Variants in PPM1H observed in about 807,000 individuals in gnomAD.
The protein encoded by PPM1H is protein phosphatase, Mg2+/Mn2+ dependent 1H.
In PPM1H, 27 loss-of-function variants were observed where a neutral mutation model predicts 54.9. That is an observed-to-expected ratio of 0.49 (90% CI 0.36 to 0.68). The LOEUF is 0.68. Among genes scored for constraint, PPM1H ranks in the 30% least tolerant of loss-of-function variants. PPM1H has a pLI of 0.00. For synonymous variants in PPM1H, 305 were observed against 270.8 expected (o/e 1.13, Z -1.24); for missense variants, 596 against 667.8 (o/e 0.89, Z 1.19).
chr12:62,852,792 T>C (rs897623309), intron 1 of PPM1H, among the ~76,000 whole-genome samples: 34 of 152,228 alleles, frequency 2.2e-4, no homozygotes, highest in African/African-American at 8.2e-4. Context: ...TGATCAAACA[T>C]GGGTCCTGTG....
At chr12:62,735,650 G>C (rs1449451001) in intron 5 of PPM1H, among the ~76,000 whole-genome samples, 3 of 152,194 alleles carry the variant, frequency 2.0e-5, no homozygotes, top group African/African-American at 7.2e-5. Flanking sequence ...TCTGAAGAGG[G>C]GGAGAGACCA....
intron 1 of PPM1H, among the ~76,000 whole-genome samples, chr12:62,881,327 T>C (rs1415061300): frequency 6.6e-6 from 1 of 151,998 alleles, no homozygotes; most frequent in Non-Finnish European, 1.5e-5. Context: ...GCAGATGTAA[T>C]TAAAGTCCCT....
intron 4 of PPM1H, among the ~76,000 whole-genome samples, chr12:62,779,581 A>C (rs1407202268): frequency 6.6e-6 from 1 of 152,242 alleles, no homozygotes; most frequent in Non-Finnish European, 1.5e-5. Flanking sequence ...GCATCTGCTC[A>C]TCTAATCCTC....
intron 4 of PPM1H, among the ~76,000 whole-genome samples, chr12:62,744,769 G>A (rs984299226): frequency 1.3e-5 from 2 of 152,144 alleles, no homozygotes; most frequent in African/African-American, 2.4e-5. Context: ...CAGCCGCCAG[G>A]ACAGCTGCAG....
intron 1 of PPM1H, among the ~76,000 whole-genome samples, chr12:62,910,951 A>G (rs543646502): frequency 6.6e-6 from 1 of 152,346 alleles, no homozygotes; most frequent in East Asian, 1.9e-4. Flanking sequence ...AACTAAAAAA[A>G]TTATGTAAAT....
chr12:62,892,193 T>G (rs1305396283), intron 1 of PPM1H, among the ~76,000 whole-genome samples: 1 of 152,228 alleles, frequency 6.6e-6, no homozygotes, highest in African/African-American at 2.4e-5. Context: ...TTTTCCCAGT[T>G]AAATCACTAG....
At chr12:62,914,384 C>T (rs1007774104) in intron 1 of PPM1H, among the ~76,000 whole-genome samples, 2 of 152,166 alleles carry the variant, frequency 1.3e-5, no homozygotes, top group African/African-American at 4.8e-5. Flanking sequence ...AATTACCTAG[C>T]CTTTGGTATT....
At chr12:62,748,529 A>AACACACACACACACACACAC (rs3052402) in intron 4 of PPM1H, among the ~76,000 whole-genome samples, 25 of 147,290 alleles carry the variant, frequency 1.7e-4, no homozygotes, top group African/African-American at 6.0e-4. Flanking sequence ...TTCAGTGTAG[A>AACACACACACACACACACAC]ACACACACAC....
chr12:62,887,932 T>G (rs1418816454), intron 1 of PPM1H, among the ~76,000 whole-genome samples: 1 of 152,100 alleles, frequency 6.6e-6, no homozygotes, highest in African/African-American at 2.4e-5. Flanking sequence ...TGACTGGAGC[T>G]GGGTGGCAAT....
intron 1 of PPM1H, among the ~76,000 whole-genome samples, chr12:62,908,858 C>T (rs7955339): frequency 2.0e-5 from 3 of 152,178 alleles, no homozygotes; most frequent in East Asian, 3.8e-4. Flanking sequence ...TCCTCACATG[C>T]ATCTTATCAG....
intron 1 of PPM1H, among the ~76,000 whole-genome samples, chr12:62,907,423 G>T (rs1234959966): frequency 1.3e-5 from 2 of 152,166 alleles, no homozygotes; most frequent in African/African-American, 4.8e-5. Context: ...TCAGACCTGT[G>T]TTCAGGTTTG....
Position 62,844,376 on chromosome 12 carries a change from G to A in PPM1H, c.246-12097C>T, listed in dbSNP as rs901071958. On this transcript the variant is annotated intron_variant, in intron 1 of 9. Transcript: ENST00000228705. This position sits in a 1 kb window ranked among gnomAD's most constrained non-coding sequence, Gnocchi z 5.2. ...GAAATAATGTTCTGAGGGGCAAGGG[G>A]GGCGTCTTATCTCTGATGCTGCTTC... Among the ~76,000 whole-genome samples, 2 of 152,108 alleles carry A rather than the reference G, an allele frequency of 1.3e-5. No homozygotes were observed. The highest frequency in any genetic ancestry group is 2.4e-5 in the African/African-American group (1 of 41,410).
chr12:62,906,006 A>G (rs1871292333), intron 1 of PPM1H, among the ~76,000 whole-genome samples: 1 of 152,226 alleles, frequency 6.6e-6, no homozygotes, highest in Admixed American at 6.5e-5. Flanking sequence ...TGTGGAAAGT[A>G]TAACTCCAAA....
intron 5 of PPM1H, among the ~76,000 whole-genome samples, chr12:62,725,271 C>T (rs2076284039): frequency 6.6e-6 from 1 of 152,202 alleles, no homozygotes; most frequent in Non-Finnish European, 1.5e-5. Context: ...TGTTGGGACT[C>T]AGGACATTCT....
At chr12:62,748,253 A>G (rs551133992) in intron 4 of PPM1H, among the ~76,000 whole-genome samples, 1 of 152,250 alleles carries the variant, frequency 6.6e-6, no homozygotes, top group South Asian at 2.1e-4. Context: ...AAAAAAAAAA[A>G]AGAAAAAAAA....
At chr12:62,665,811 G>C (rs754083520) in intron 9 of PPM1H, among the ~76,000 whole-genome samples, 1 of 151,718 alleles carries the variant, frequency 6.6e-6, no homozygotes, top group Non-Finnish European at 1.5e-5. Context: ...ATCGATCTTG[G>C]CTCACTGCAA....
At chr12:62,657,384 T>G (rs7978795) in intron 9 of PPM1H, among the ~76,000 whole-genome samples, 9,187 of 151,406 alleles carry the variant, frequency 0.061, 341 homozygotes, top group African/African-American at 0.078. Flanking sequence ...GCCACACAGC[T>G]AAGGGGCCAC....
At chr12:62,658,212 T>TTTTTTTTTTC (rs768288538) in intron 9 of PPM1H, among the ~76,000 whole-genome samples, 7 of 130,592 alleles carry the variant, frequency 5.4e-5, no homozygotes, top group East Asian at 4.6e-4. Context: ...TTTTTTTTTT[T>TTTTTTTTTTC]AAGTAAAAAA....
At chr12:62,836,049 T>C (rs1337062026) in intron 1 of PPM1H, among the ~76,000 whole-genome samples, 1 of 152,248 alleles carries the variant, frequency 6.6e-6, no homozygotes, top group Non-Finnish European at 1.5e-5. Context: ...CATTGCTGTA[T>C]GCTCCAGCGT....
Sources: allele counts gnomAD v4.1 joint callset (sites outside exome capture counted in the v4.1 genomes callset), GRCh38; gene constraint gnomAD v4.1.1; non-coding constraint Gnocchi (gnomAD v3.1); transcripts MANE v1.5; gene names NCBI Gene and HGNC (gene_info 2026-07-23, HGNC 2026-07-21).